The following EXOC3 variants were observed in gnomAD, a reference collection of about 807,000 sequenced individuals.
EXOC3 encodes the protein exocyst complex component 3, also known as SEC6-like 1.
A neutral mutation model predicts 73.7 loss-of-function variants in EXOC3; 21 were observed. That is an observed-to-expected ratio of 0.29 (90% CI 0.20 to 0.41). The LOEUF is 0.41. Ranked by LOEUF, EXOC3 falls within the 10% of genes least tolerant of loss-of-function variation. The pLI is 1.00. For synonymous variants in EXOC3, 410 were observed against 389.1 expected (o/e 1.05, Z -0.63); for missense variants, 842 against 985.1 (o/e 0.85, Z 1.95).
intron 10 of EXOC3, 80 bp from the exon 11 acceptor site, chr5:465,031 G>T: frequency 7.0e-7 from 1 of 1,420,488 alleles, no homozygotes; most frequent in East Asian, 2.5e-5. Flanking sequence ...GCCACCGGGA[G>T]CCCCAGCCTG....
chr5:458,030 C>T lies in EXOC3; in HGVS notation c.1290+5C>T. 6.2e-7 allele frequency: 1 copy of T among 1,612,026 alleles called. No homozygotes were observed. ...CTCCCTGCCATTGTCTTCCAGGTAC[C>T]ACCTGCAGGGGACTGGCACAGTTCC... On this transcript the variant is annotated splice_donor_5th_base_variant and intron_variant, in intron 6 of 12. Coordinates refer to ENST00000512944, the MANE Select transcript of EXOC3 (RefSeq NM_007277.5).
At chr5:452,855 G>C (rs1194112757) in intron 3 of EXOC3, among the ~76,000 whole-genome samples, 1 of 152,244 alleles carries the variant, frequency 6.6e-6, no homozygotes, top group African/African-American at 2.4e-5. Flanking sequence ...TTTCAAGAAG[G>C]GGAACAGATG....
chr5:464,973 C>A, intron 10 of EXOC3, 138 bp from the exon 11 acceptor site: 1 of 898,850 alleles, frequency 1.1e-6, no homozygotes, highest in Non-Finnish European at 1.6e-6. Flanking sequence ...CGGTGAGATG[C>A]CAGAGCCGTG....
chr5:445,741 G>A (rs926545691), intron 1 of EXOC3, among the ~76,000 whole-genome samples: 2 of 152,174 alleles, frequency 1.3e-5, no homozygotes, highest in African/African-American at 4.8e-5. Context: ...TGTCCACGCT[G>A]TATTTGTCTT....
At chr5:448,172 C>T (rs544626071) in intron 3 of EXOC3, among the ~76,000 whole-genome samples, 30 of 152,322 alleles carry the variant, frequency 2.0e-4, no homozygotes, top group African/African-American at 3.1e-4. Context: ...AGGGTTGAGG[C>T]GAGCAGCAGC....
intron 5 of EXOC3, 200 bp from the exon 6 acceptor site, chr5:457,700 C>T (rs1227816097): frequency 9.0e-6 from 5 of 554,580 alleles, no homozygotes; most frequent in Non-Finnish European, 9.6e-6. Context: ...CAGTTAAACC[C>T]CTGCGGGCTG....
At position 453,380 on chromosome 5, in the gene EXOC3, T is replaced by A; in HGVS notation, c.375T>A (p.Ile125=). 1 of 1,578,534 alleles carries A rather than the reference T, an allele frequency of 6.3e-7. No homozygotes were observed. Among genetic ancestry groups the A allele is most frequent in the Non-Finnish European group, 8.6e-7 (1 of 1,161,482 alleles). The change falls in exon 4 of 13, where the codon ATT becomes ATA. Residue 125 remains isoleucine, a synonymous_variant. Coordinates refer to ENST00000512944, the MANE Select transcript of EXOC3 (RefSeq NM_007277.5). The part of the protein sequence containing the change: ...NLKNIFSVPE[I]VRETQDLIEQ... The stretch of plus-strand genomic sequence containing the variant: ...GTGCCTTCTCCCTAGTGCCTGAGAT[T>A]GTGAGGGAGACCCAGGACCTAATTG...
chr5:447,392 A>C (rs532792072), intron 2 of EXOC3, 141 bp from the exon 3 acceptor site: 84 of 595,466 alleles, frequency 1.4e-4, no homozygotes, highest in South Asian at 2.2e-4. Context: ...TGTTGATTTT[A>C]TTTTCTTTTC....
chr5:457,840 A>C lies in EXOC3; in HGVS notation c.1165-60A>C, dbSNP rs2251843. On this transcript the variant is annotated intron_variant, in intron 5 of 12. Transcript: ENST00000512944. ...GCATGCAACTGACCAGGTAATTGGC[A>C]TGACCCTCAGGCACCTGCTCTTCTC... is the stretch of plus-strand genomic sequence containing the variant. The C allele has an allele frequency of 6.4e-6, 10 of 1,550,868 alleles. No homozygotes were observed. The African/African-American group carries it at 6.8e-5, about 11-fold the overall frequency.
chr5:459,319 GT>G, intron 6 of EXOC3, 39 bp from the exon 7 acceptor site: 1 of 1,168,402 alleles, frequency 8.6e-7, no homozygotes, highest in Non-Finnish European at 1.2e-6. Context: ...GTATACTCCT[GT>G]AAGATTATAC....
chr5:456,921 C>G lies in EXOC3; in HGVS notation c.1079C>G (p.Pro360Arg). The change falls in exon 5 of 13, where the codon CCG becomes CGG. Residue 360 changes from proline to arginine, a missense_variant. By Grantham distance (103) the Pro-to-Arg change is moderately radical. Transcript: ENST00000512944. ...TEMMRNVELA[P>R]EVDVGTLEPL... is the part of the protein sequence containing the mutation. ...ATGATGAGGAACGTGGAGCTGGCCC[C>G]GGAAGTGGATGTCGGCACCCTGGAG... 6.2e-7 allele frequency: 1 copy of G among 1,614,032 alleles called. No individual in the cohort carries two copies. The highest frequency in any genetic ancestry group is 1.1e-5 in the South Asian group (1 of 91,084).
In EXOC3 at chr5:465,958, A is replaced by T; in HGVS notation, c.2066+113A>T. On this transcript the variant is annotated intron_variant, in intron 12 of 12. Transcript: ENST00000512944. ...TGGTTCGCAAGTTCAGCCCTGCAGC[A>T]CGGCAAGGGTTCAGGTGCGGCACAG... The T allele has an allele frequency of 3.1e-6, 4 of 1,275,336 alleles. No homozygotes were observed. In the South Asian group the frequency reaches 5.7e-5, roughly 18 times the overall value. 79.0% of individuals were successfully genotyped at this position (1,275,336 alleles called of 1,614,324 possible). A position where few individuals can be genotyped will look rare whatever the true frequency, so the allele number is the denominator to read the frequency against.
intron 4 of EXOC3, 49 bp from the exon 5 acceptor site, chr5:456,840 C>T (rs1188500318): frequency 7.1e-7 from 1 of 1,407,802 alleles, no homozygotes; most frequent in East Asian, 2.3e-5. Context: ...TGGGCATGCT[C>T]TTCTGTGTCT....
chr5:466,567 C>T (rs1457746357), intron 12 of EXOC3, 160 bp from the exon 13 acceptor site: 2 of 608,810 alleles, frequency 3.3e-6, no homozygotes, highest in Non-Finnish European at 5.6e-6. Context: ...GATGAAAATG[C>T]AGGCTTGTCT....
chr5:463,703 T>C (rs1738054054), intron 9 of EXOC3, among the ~76,000 whole-genome samples: 1 of 152,256 alleles, frequency 6.6e-6, no homozygotes, highest in South Asian at 2.1e-4. Flanking sequence ...TATACTTTTA[T>C]TGGTTTTAAT....
At chr5:458,356 G>A (rs180939159) in intron 6 of EXOC3, among the ~76,000 whole-genome samples, 1 of 152,358 alleles carries the variant, frequency 6.6e-6, no homozygotes, top group East Asian at 1.9e-4. Context: ...TCCAGGATTT[G>A]TCCTAAAAAA....
chr5:465,386 G>A lies in EXOC3; in HGVS notation c.1938+114G>A, dbSNP rs796342609. The stretch of plus-strand genomic sequence containing the variant: ...GAGTGTGTCGTGTGTTTGTCAGGCG[G>A]GGGGAGCCTGGGTCCAGGTCCTGCC... On this transcript the variant is annotated intron_variant, in intron 11 of 12. Coordinates refer to ENST00000512944, the MANE Select transcript of EXOC3 (RefSeq NM_007277.5). The A allele has an allele frequency of 2.3e-5, 28 of 1,218,486 alleles. 1 individual carries two copies. In the African/African-American group the frequency reaches 3.3e-4, roughly 15 times the overall value. 75.5% of individuals were successfully genotyped at this position (1,218,486 alleles called of 1,614,324 possible). A position where few individuals can be genotyped will look rare whatever the true frequency, so the allele number is the denominator to read the frequency against.
chr5:451,344 G>A (rs1395938880), intron 3 of EXOC3, among the ~76,000 whole-genome samples: 1 of 152,106 alleles, frequency 6.6e-6, no homozygotes, highest in Non-Finnish European at 1.5e-5. Flanking sequence ...CTCCCTTTGG[G>A]TTGTTCATTT....
chr5:461,624 AAG>A, intron 7 of EXOC3: 1 of 237,626 alleles, frequency 4.2e-6, no homozygotes, highest in South Asian at 6.0e-5. Flanking sequence ...AAAAAAAAAA[AAG>A]AGACAAGGTC....
Sources: allele counts gnomAD v4.1 joint callset (sites outside exome capture counted in the v4.1 genomes callset), GRCh38; gene constraint gnomAD v4.1.1; transcripts MANE v1.5; gene names NCBI Gene and HGNC (gene_info 2026-07-23, HGNC 2026-07-21).